Variants in KIDINS220 observed in about 807,000 individuals in gnomAD.
KIDINS220 encodes kinase D interacting substrate 220.
In KIDINS220, 63 loss-of-function variants were observed where a neutral mutation model predicts 157.6. The observed-to-expected ratio is 0.40, with a 90% CI of 0.33 to 0.49. The LOEUF is 0.49. KIDINS220 is among the 20% of genes least tolerant of loss of function. The probability of loss-of-function intolerance (pLI) is 0.66; values close to 1 mark genes in which losing one functional copy is unlikely to be tolerated. For synonymous variants in KIDINS220, 732 were observed against 783.6 expected, an observed-to-expected ratio of 0.93 and a Z score of 1.10; for missense variants, 1,772 against 2,171.2, an observed-to-expected ratio of 0.82 and a Z score of 3.65.
intron 26 of KIDINS220, chr2:8,746,560 G>A (rs966245394): frequency 1.3e-5 from 2 of 150,430 alleles, no homozygotes; most frequent in Non-Finnish European, 3.0e-5. Flanking sequence ...CATGCTGAAC[G>A]ATCTTCTGTT....
intron 6 of KIDINS220, among the ~76,000 whole-genome samples, chr2:8,807,492 T>C (rs1167070625): frequency 6.6e-6 from 1 of 152,250 alleles, no homozygotes; most frequent in African/African-American, 2.4e-5. Context: ...GATTAAGCAC[T>C]TGAATGCTAT....
At chr2:8,792,066 A>AG (rs1248703583) in intron 12 of KIDINS220, among the ~76,000 whole-genome samples, 1 of 152,132 alleles carries the variant, frequency 6.6e-6, no homozygotes, top group Non-Finnish European at 1.5e-5. Flanking sequence ...TCATGAAAAA[A>AG]TTAAATTAAA....
chr2:8,759,948 T>A (rs569515211), intron 22 of KIDINS220, among the ~76,000 whole-genome samples: 2 of 152,116 alleles, frequency 1.3e-5, no homozygotes, highest in Admixed American at 1.3e-4. Context: ...CTCAGAGAGG[T>A]AAGCAATGGA....
intron 4 of KIDINS220, among the ~76,000 whole-genome samples, chr2:8,814,259 A>G (rs545501470): frequency 1.3e-5 from 2 of 152,312 alleles, no homozygotes; most frequent in African/African-American, 4.8e-5. Context: ...AAAAAGACCA[A>G]TGTAATCAAA....
At position 8,813,231 on chromosome 2, in the gene KIDINS220, G is replaced by A. The variant is rs751034335; in HGVS notation, c.405+6C>T. On this transcript the variant is annotated splice_donor_region_variant and intron_variant, in intron 5 of 29. Transcript: ENST00000256707. ...AATACAAACAAATTTTTTTGTTAAT[G>A]CTTACCAGACCAGTGACACTTGGAT... 6 of 1,602,210 alleles carry A rather than the reference G, an allele frequency of 3.7e-6. No homozygotes were observed. Among genetic ancestry groups the A allele is most frequent in the Non-Finnish European group, 5.1e-6 (6 of 1,174,250 alleles).
At chr2:8,765,028 G>T (rs1669280994) in intron 22 of KIDINS220, among the ~76,000 whole-genome samples, 1 of 152,128 alleles carries the variant, frequency 6.6e-6, no homozygotes, top group Non-Finnish European at 1.5e-5. Flanking sequence ...GGATGGGGGG[G>T]CTTGGTAACA....
At chr2:8,796,143 A>T (rs1053471037) in intron 11 of KIDINS220, among the ~76,000 whole-genome samples, 5 of 152,316 alleles carry the variant, frequency 3.3e-5, no homozygotes, top group Middle Eastern at 3.4e-3. Flanking sequence ...AGCCCAAACC[A>T]TATCATTCAT....
rs149432368 is a variant in KIDINS220 at position 8,794,251 on chromosome 2, AGAG to A, written c.1099-267_1099-265del. 1,339 of 249,228 alleles carry A rather than the reference AGAG, an allele frequency of 5.4e-3. 4 individuals carry two copies. The highest frequency in any genetic ancestry group is 8.5e-3 in the Admixed American group (167 of 19,706). 15.4% of individuals were successfully genotyped at this position (249,228 alleles called of 1,614,324 possible). A position where few individuals can be genotyped will look rare whatever the true frequency, so the allele number is the denominator to read the frequency against. On this transcript the variant is annotated intron_variant, in intron 11 of 29. Coordinates refer to ENST00000256707, the MANE Select transcript of KIDINS220 (RefSeq NM_020738.4). ...TTTCCCCTTTTCTTAACTCAGTGAA[AGAG>A]GAGAAGCAACAGGCTTTCTCCCTGC...
At chr2:8,743,903 G>C (rs1304515825) in intron 26 of KIDINS220, among the ~76,000 whole-genome samples, 2 of 151,902 alleles carry the variant, frequency 1.3e-5, no homozygotes, top group Admixed American at 1.3e-4. Context: ...AATATTCTGG[G>C]AAGCATGTCT....
At chr2:8,820,851 G>C (rs969441173) in intron 2 of KIDINS220, among the ~76,000 whole-genome samples, 2 of 152,144 alleles carry the variant, frequency 1.3e-5, no homozygotes, top group Non-Finnish European at 2.9e-5. Context: ...GCACGCCTCT[G>C]TCCGCTCTAG....
At chr2:8,757,451 A>AT in intron 22 of KIDINS220, 1 of 1,329,122 alleles carries the variant, frequency 7.5e-7, no homozygotes, top group Non-Finnish European at 9.7e-7. Context: ...AGCACACTTG[A>AT]TTGTTTCCAA....
At chr2:8,781,206 T>C (rs976556275) in intron 17 of KIDINS220, among the ~76,000 whole-genome samples, 28 of 147,020 alleles carry the variant, frequency 1.9e-4, no homozygotes, top group African/African-American at 7.0e-4. Flanking sequence ...GCTGATTCTC[T>C]AAGGAGACAT....
In KIDINS220 at chr2:8,824,877, G is replaced by A. The variant is rs149613369; in HGVS notation, c.108+2109C>T. Among the ~76,000 whole-genome samples the A allele has an allele frequency of 3.9e-3, 593 of 152,258 alleles. 1 individual carries two copies. The highest frequency in any genetic ancestry group is 5.7e-3 in the Non-Finnish European group (390 of 68,020). On this transcript the variant is annotated intron_variant, in intron 2 of 29. Transcript: ENST00000256707. ...AGGAAATCCTGTTACGTGCTATAAC[G>A]TGGATGAACCTTGAGGATATTATGC...
chr2:8,811,066 C>G (rs1166929054), intron 6 of KIDINS220, among the ~76,000 whole-genome samples: 1 of 151,990 alleles, frequency 6.6e-6, no homozygotes, highest in African/African-American at 2.4e-5. Context: ...TAACTACTGC[C>G]CAGATCAAGA....
intron 22 of KIDINS220, among the ~76,000 whole-genome samples, chr2:8,753,737 G>A (rs1279097452): frequency 1.3e-5 from 2 of 152,152 alleles, no homozygotes; most frequent in Non-Finnish European, 2.9e-5. Flanking sequence ...TCATTTCTTT[G>A]GGACTAGCAC....
intron 22 of KIDINS220, among the ~76,000 whole-genome samples, chr2:8,752,893 G>A (rs780024682): frequency 6.6e-6 from 1 of 152,144 alleles, no homozygotes; most frequent in Non-Finnish European, 1.5e-5. Flanking sequence ...TATGCAGAAT[G>A]TTTTGTATAA....
intron 25 of KIDINS220, 74 bp from the exon 26 acceptor site, chr2:8,747,275 G>T: frequency 1.6e-6 from 2 of 1,275,622 alleles, no homozygotes; most frequent in Non-Finnish European, 2.3e-6. Context: ...AAATGAACAT[G>T]ATGGTAAAAT....
intron 2 of KIDINS220, among the ~76,000 whole-genome samples, chr2:8,822,598 G>T (rs1302005677): frequency 2.6e-5 from 4 of 152,070 alleles, no homozygotes; most frequent in Admixed American, 6.6e-5. Flanking sequence ...CTACACTCCA[G>T]CCTGGGCAAC....
chr2:8,801,058 C>T (rs1033233132), intron 8 of KIDINS220, among the ~76,000 whole-genome samples: 4 of 152,134 alleles, frequency 2.6e-5, no homozygotes, highest in Non-Finnish European at 2.9e-5. Context: ...GACTCATTCC[C>T]CAGCATAAGA....
Sources: allele counts gnomAD v4.1 joint callset (sites outside exome capture counted in the v4.1 genomes callset), GRCh38; gene constraint gnomAD v4.1.1; transcripts MANE v1.5; gene names NCBI Gene and HGNC (gene_info 2026-07-23, HGNC 2026-07-21).